Variants in KLRG1 observed in about 807,000 individuals in gnomAD.
KLRG1 encodes killer cell lectin like receptor G1.
A neutral mutation model predicts 21.8 loss-of-function variants in KLRG1; 16 were observed. The ratio of observed to expected loss-of-function variants is 0.73; its 90% confidence interval spans 0.50 to 1.11. KLRG1 has a LOEUF of 1.11. KLRG1 is among the 50% of genes most tolerant of loss of function. The pLI is 0.00. For missense variants in KLRG1, 173 were observed against 218.3 expected (o/e 0.79, Z 1.31); for synonymous variants, 69 against 75.9 (o/e 0.91, Z 0.47).
the KLRG1 span, chr12:9,098,892 A>T: frequency 1.1e-6 from 1 of 892,452 alleles, no homozygotes; most frequent in Non-Finnish European, 1.7e-6. Flanking sequence ...CATTGTGTCA[A>T]TCCTGAAGCT....
the KLRG1 span, chr12:9,098,546 T>A: frequency 1.3e-5 from 20 of 1,532,180 alleles, no homozygotes; most frequent in Admixed American, 3.6e-4. Context: ...TCCAGTCATT[T>A]TTCCTTGCTC....
chr12:8,997,355 C>T (rs1947164278), intron 3 of KLRG1, among the ~76,000 whole-genome samples: 1 of 152,074 alleles, frequency 6.6e-6, no homozygotes, highest in Non-Finnish European at 1.5e-5. Flanking sequence ...TTCTGTAGAA[C>T]CAAATTGATT....
chr12:9,136,002 G>C, the KLRG1 span, among the ~76,000 whole-genome samples: 1 of 152,080 alleles, frequency 6.6e-6, no homozygotes, highest in Non-Finnish European at 1.5e-5. Context: ...GGAGCTCAAC[G>C]TTTTAAACAT....
chr12:9,129,259 C>T, the KLRG1 span, among the ~76,000 whole-genome samples: 7 of 152,044 alleles, frequency 4.6e-5, no homozygotes, highest in Non-Finnish European at 2.9e-5. Context: ...TTCATTATCA[C>T]TAGTTGATGA....
the KLRG1 span, among the ~76,000 whole-genome samples, chr12:9,204,689 T>C: frequency 6.6e-6 from 1 of 152,164 alleles, no homozygotes; most frequent in Admixed American, 6.5e-5. Context: ...CCCTTTATGC[T>C]CAATTTCTTG....
chr12:9,213,601 C>T, the KLRG1 span, among the ~76,000 whole-genome samples: 60 of 152,172 alleles, frequency 3.9e-4, no homozygotes, highest in African/African-American at 1.4e-3. Flanking sequence ...AGCATATTCT[C>T]ATGTGCTTAC....
the KLRG1 span, among the ~76,000 whole-genome samples, chr12:9,105,304 G>C: frequency 6.6e-6 from 1 of 152,184 alleles, no homozygotes; most frequent in Admixed American, 6.5e-5. Context: ...TAGCTAGAGA[G>C]TCTTATGACA....
At chr12:9,079,205 G>A in the KLRG1 span, 20 of 1,504,528 alleles carry the variant, frequency 1.3e-5, no homozygotes, top group African/African-American at 2.8e-5. Flanking sequence ...AAAAGAGCTG[G>A]CACACAAAAA....
At chr12:9,103,774 T>C in the KLRG1 span, among the ~76,000 whole-genome samples, 1 of 152,210 alleles carries the variant, frequency 6.6e-6, no homozygotes, top group African/African-American at 2.4e-5. Flanking sequence ...TAATATTCTG[T>C]TGTATTTATA....
chr12:9,149,025 G>C, the KLRG1 span: 1 of 1,601,500 alleles, frequency 6.2e-7, no homozygotes, highest in Non-Finnish European at 8.6e-7. Context: ...TAAGGAGGTT[G>C]TATCATTTCC....
the KLRG1 span, chr12:9,194,333 A>G: frequency 1.2e-5 from 14 of 1,180,544 alleles, no homozygotes; most frequent in East Asian, 3.2e-4. Context: ...AACTAAAACA[A>G]CAACCTCCCC....
the KLRG1 span, chr12:9,149,048 A>T: frequency 6.6e-7 from 1 of 1,517,850 alleles, no homozygotes; most frequent in South Asian, 1.1e-5. Context: ...AGGAGCATTC[A>T]GTTGAGTGTG....
At chr12:9,162,488 T>C in the KLRG1 span, 2 of 800,758 alleles carry the variant, frequency 2.5e-6, no homozygotes, top group Non-Finnish European at 2.1e-6. Context: ...ATGCTGACTT[T>C]CATGGAACAC....
At chr12:9,147,178 T>C in the KLRG1 span, among the ~76,000 whole-genome samples, 1 of 152,110 alleles carries the variant, frequency 6.6e-6, no homozygotes, top group Non-Finnish European at 1.5e-5. Flanking sequence ...GAGCAGGAAA[T>C]TTTTTGTCCA....
the KLRG1 span, among the ~76,000 whole-genome samples, chr12:9,078,534 A>G: frequency 1.3e-5 from 2 of 152,190 alleles, no homozygotes; most frequent in South Asian, 2.1e-4. Flanking sequence ...AGAATGATTT[A>G]TATTCCTTTG....
downstream of KLRG1, among the ~76,000 whole-genome samples, chr12:9,011,322 T>G (rs3026248): frequency 0.021 from 3,130 of 152,302 alleles, 106 homozygotes; most frequent in African/African-American, 0.071. Context: ...GACTTATTTA[T>G]GAAGGGCTGG....
chr12:9,159,077 A>C, the KLRG1 span, among the ~76,000 whole-genome samples: 540 of 152,212 alleles, frequency 3.5e-3, 1 homozygote, highest in African/African-American at 0.012. Flanking sequence ...AGAGAGAGAG[A>C]GAAAGGATAT....
the KLRG1 span, among the ~76,000 whole-genome samples, chr12:9,017,000 A>T: frequency 6.6e-6 from 1 of 152,056 alleles, no homozygotes; most frequent in Non-Finnish European, 1.5e-5. Context: ...AAAACCAAAG[A>T]CACACTTTAA....
the KLRG1 span, among the ~76,000 whole-genome samples, chr12:9,071,187 A>T: frequency 6.6e-6 from 1 of 152,132 alleles, no homozygotes; most frequent in South Asian, 2.1e-4. Context: ...AATCTATGCC[A>T]GTTATTTTAT....
Sources: gnomAD v4.1 joint callset for allele counts (sites outside exome capture counted in the v4.1 genomes callset) on GRCh38, gnomAD v4.1.1 for gene constraint, MANE v1.5 for transcripts, NCBI Gene and HGNC (gene_info 2026-07-23, HGNC 2026-07-21) for gene names.